The following BRINP3 variants were observed in gnomAD, a reference collection of about 807,000 sequenced individuals.
BRINP3 encodes the protein BMP/retinoic acid-inducible neural-specific protein 3.
Under a neutral mutation model 71.0 loss-of-function variants are expected in BRINP3, and 19 were observed. The ratio of observed to expected loss-of-function variants is 0.27; its 90% CI spans 0.19 to 0.39. The LOEUF (loss-of-function observed/expected upper bound fraction) is 0.39, where lower values mean the gene tolerates loss of function less well. BRINP3 is among the 10% of genes least tolerant of loss of function. The pLI is 1.00. For missense variants in BRINP3, 959 were observed against 940.8 expected (o/e 1.02, Z -0.25); for synonymous variants, 380 against 337.7 (o/e 1.13, Z -1.37).
At chr1:190,161,217 T>C (rs1657331526) in intron 6 of BRINP3, among the ~76,000 whole-genome samples, 1 of 152,046 alleles carries the variant, frequency 6.6e-6, no homozygotes. Context: ...CGTCTTTCAG[T>C]AAACTTTCTT....
chr1:190,150,501 A>G (rs1656296048), intron 7 of BRINP3, among the ~76,000 whole-genome samples: 1 of 152,206 alleles, frequency 6.6e-6, no homozygotes, highest in Non-Finnish European at 1.5e-5. Context: ...TCCCCACTGC[A>G]TTGAGCAAGT....
chr1:190,374,357 G>A (rs1477518429), intron 2 of BRINP3, among the ~76,000 whole-genome samples: 31 of 151,882 alleles, frequency 2.0e-4, no homozygotes, highest in Non-Finnish European at 8.8e-5. Context: ...AGATGACATG[G>A]GCTAATACTG....
At chr1:190,165,326 C>T (rs1362929270) in intron 6 of BRINP3, among the ~76,000 whole-genome samples, 2 of 149,096 alleles carry the variant, frequency 1.3e-5, no homozygotes, top group South Asian at 2.2e-4. Context: ...TCTAGTAACA[C>T]AATTTTTTTG....
At chr1:190,225,479 A>C (rs1452565311) in intron 6 of BRINP3, among the ~76,000 whole-genome samples, 1 of 151,962 alleles carries the variant, frequency 6.6e-6, no homozygotes, top group African/African-American at 2.4e-5. Flanking sequence ...AGAGGCCAGG[A>C]AGGGTAGTGG....
chr1:190,455,076 C>T, intron 1 of BRINP3, 136 bp from the exon 2 acceptor site: 1 of 503,326 alleles, frequency 2.0e-6, no homozygotes. Flanking sequence ...TAATAAAATA[C>T]AAACCAAAAT....
intron 7 of BRINP3, among the ~76,000 whole-genome samples, chr1:190,108,073 A>G (rs1652340130): frequency 6.6e-6 from 1 of 150,788 alleles, no homozygotes; most frequent in South Asian, 2.1e-4. Flanking sequence ...GTTGTCAGAA[A>G]CTGGGCCATT....
chr1:190,304,143 T>C (rs1664927655), intron 2 of BRINP3, among the ~76,000 whole-genome samples: 2 of 152,000 alleles, frequency 1.3e-5, no homozygotes, highest in South Asian at 4.1e-4. Context: ...TTGTATTCTT[T>C]ATTTTCCATG....
intron 6 of BRINP3, among the ~76,000 whole-genome samples, chr1:190,173,351 T>C (rs569796077): frequency 3.5e-4 from 54 of 152,188 alleles, no homozygotes; most frequent in Non-Finnish European, 6.8e-4. Context: ...CAGTTTATGA[T>C]TTAGATCTTG....
intron 2 of BRINP3, among the ~76,000 whole-genome samples, chr1:190,338,953 A>G (rs1667470641): frequency 6.6e-6 from 1 of 151,728 alleles, no homozygotes; most frequent in Non-Finnish European, 1.5e-5. Flanking sequence ...GCAAGTATAT[A>G]TGAGAAAGTT....
chr1:190,294,914 T>A (rs1197948695), intron 2 of BRINP3, among the ~76,000 whole-genome samples: 1 of 151,854 alleles, frequency 6.6e-6, no homozygotes, highest in Non-Finnish European at 1.5e-5. Flanking sequence ...GGAAAAGACA[T>A]GGGACAGTTC....
chr1:190,238,604 A>G (rs1405352919), intron 4 of BRINP3, among the ~76,000 whole-genome samples: 1 of 152,164 alleles, frequency 6.6e-6, no homozygotes, highest in Non-Finnish European at 1.5e-5. Flanking sequence ...TTCACCAGAA[A>G]GTCTTATAAG....
chr1:190,165,153 G>T (rs1651378049), intron 6 of BRINP3, among the ~76,000 whole-genome samples: 1 of 151,786 alleles, frequency 6.6e-6, no homozygotes, highest in Non-Finnish European at 1.5e-5. Context: ...AAAAACATAT[G>T]TCTGATATAT....
chr1:190,448,922 A>G (rs1360826725), intron 2 of BRINP3, among the ~76,000 whole-genome samples: 5 of 151,940 alleles, frequency 3.3e-5, no homozygotes, highest in Admixed American at 3.3e-4. Flanking sequence ...TAAGGTTGGC[A>G]ATAATATTTT....
At position 190,408,019 on chromosome 1, in the gene BRINP3, C is replaced by CTTTTTTTTTT. The variant is rs34343187; in HGVS notation, c.236+46626_236+46635dup. Among the ~76,000 whole-genome samples the CTTTTTTTTTT allele has an allele frequency of 9.6e-4, 96 of 99,790 alleles. 2 individuals are homozygous for CTTTTTTTTTT. Among genetic ancestry groups the CTTTTTTTTTT allele is most frequent in the East Asian group, 1.3e-3 (4 of 3,170 alleles). The allele number at this position is 99,790 out of a possible 152,430, so 65.5% of individuals were successfully genotyped here. Reference sequence around the variant, plus strand: ...GATGTACTTTCTTTTCTACATTTGTCTTTTTTTTTTTTTTTTTTTTGAGAT... The same window carrying CTTTTTTTTTT: ...GATGTACTTTCTTTTCTACATTTGTCTTTTTTTTTTTTTTTTTTTTTTTTTTTTTTGAGAT... On this transcript the variant is annotated intron_variant, in intron 2 of 7. Coordinates refer to ENST00000367462, the MANE Select transcript of BRINP3 (RefSeq NM_199051.3).
intron 2 of BRINP3, among the ~76,000 whole-genome samples, chr1:190,443,893 T>G (rs1226538293): frequency 6.6e-6 from 1 of 152,132 alleles, no homozygotes; most frequent in Non-Finnish European, 1.5e-5. Context: ...TCATTCTTTC[T>G]ATAAACAGAC....
intron 2 of BRINP3, among the ~76,000 whole-genome samples, chr1:190,395,139 T>G (rs1671488793): frequency 6.6e-6 from 1 of 151,740 alleles, no homozygotes; most frequent in Non-Finnish European, 1.5e-5. Flanking sequence ...TGGTTATTGT[T>G]TACTCAGGCT....
chr1:190,288,024 C>A (rs531754462), intron 2 of BRINP3, among the ~76,000 whole-genome samples: 1 of 151,980 alleles, frequency 6.6e-6, no homozygotes, highest in African/African-American at 2.4e-5. Flanking sequence ...ACATTTTGAA[C>A]ACTTGTTAGC....
intron 2 of BRINP3, among the ~76,000 whole-genome samples, chr1:190,356,475 T>C (rs1418969108): frequency 6.6e-6 from 1 of 151,984 alleles, no homozygotes; most frequent in Non-Finnish European, 1.5e-5. Context: ...TAATTTCCTA[T>C]TGAAGCTATA....
intron 1 of BRINP3, among the ~76,000 whole-genome samples, chr1:190,455,906 C>A (rs904779946): frequency 6.6e-6 from 1 of 152,104 alleles, no homozygotes; most frequent in Admixed American, 6.5e-5. Flanking sequence ...ATATGCTACA[C>A]CAGAAAATTC....
Sources: allele counts gnomAD v4.1 joint callset (sites outside exome capture counted in the v4.1 genomes callset), GRCh38; gene constraint gnomAD v4.1.1; transcripts MANE v1.5; gene names NCBI Gene and HGNC (gene_info 2026-07-23, HGNC 2026-07-21).